SGPP2: variants seen among roughly 807,000 people sequenced by gnomAD.
SGPP2 encodes the protein sphingosine 1-phosphate phosphohydrolase 2.
A neutral mutation model predicts 33.9 loss-of-function variants in SGPP2; 30 were observed. That is an observed-to-expected ratio of 0.89 (90% confidence interval 0.66 to 1.20). The LOEUF (loss-of-function observed/expected upper bound fraction) is 1.20, where lower values mean the gene tolerates loss of function less well. Among genes scored for constraint, SGPP2 ranks in the 50% most tolerant of loss-of-function variants. SGPP2 has a pLI of 0.00. For missense variants in SGPP2, 458 were observed against 532.1 expected, an observed-to-expected ratio of 0.86 and a Z score of 1.37; for synonymous variants, 233 against 225.0, an observed-to-expected ratio of 1.04 and a Z score of -0.32.
intron 4 of SGPP2, among the ~76,000 whole-genome samples, chr2:222,540,653 C>G (rs1327346071): frequency 2.0e-5 from 3 of 152,116 alleles, no homozygotes; most frequent in Non-Finnish European, 4.4e-5. Context: ...TGTCATCTGT[C>G]AATAAATCTA....
At chr2:222,430,453 G>A (rs956558191) in intron 1 of SGPP2, among the ~76,000 whole-genome samples, 6 of 152,104 alleles carry the variant, frequency 3.9e-5, no homozygotes, top group Non-Finnish European at 8.8e-5. Flanking sequence ...CCACCTTTTA[G>A]GGAAGGAAGC....
intron 2 of SGPP2, among the ~76,000 whole-genome samples, chr2:222,499,652 GGAAA>G (rs1433198572): frequency 6.6e-6 from 1 of 152,100 alleles, no homozygotes; most frequent in Non-Finnish European, 1.5e-5. Context: ...GGGCATTGGG[GGAAA>G]GACAGTCTTT....
chr2:222,560,254 G>T lies in SGPP2; in HGVS notation c.*1356G>T, dbSNP rs1026317106. 1 of 142,842 alleles carries T rather than the reference G, an allele frequency of 7.0e-6. No individual in the cohort carries two copies. 8.8% of individuals were successfully genotyped at this position (142,842 alleles called of 1,614,324 possible). A position where few individuals can be genotyped will look rare whatever the true frequency, so the allele number is the denominator to read the frequency against. The stretch of plus-strand genomic sequence containing the variant: ...GGGATAGGCTTCCTTGACATTGCCT[G>T]TCCTGACAAGGCCTCCCTGACATTA... On this transcript the variant is annotated 3_prime_UTR_variant, in exon 5 of 5. Transcript: ENST00000321276.
chr2:222,476,981 GGT>G lies in SGPP2; in HGVS notation c.378+2262_378+2263del, dbSNP rs1235052401. On this transcript the variant is annotated intron_variant, in intron 2 of 4. Coordinates refer to ENST00000321276, the MANE Select transcript of SGPP2 (RefSeq NM_152386.4). The surrounding 1 kb of genome is among the most constrained non-coding windows in gnomAD (Gnocchi z 4.3). The stretch of plus-strand genomic sequence containing the variant: ...TATAGTGTGTATATGTGTATATATA[GGT>G]GTGTGTATATTTTGTGTATTTATGT... Among the ~76,000 whole-genome samples, 2 of 151,518 alleles carry G rather than the reference GGT, an allele frequency of 1.3e-5. No homozygotes were observed. Among genetic ancestry groups the G allele is most frequent in the East Asian group, 3.9e-4 (2 of 5,190 alleles).
At chr2:222,447,262 C>A (rs908981423) in intron 1 of SGPP2, among the ~76,000 whole-genome samples, 1 of 152,192 alleles carries the variant, frequency 6.6e-6, no homozygotes, top group African/African-American at 2.4e-5. Context: ...ACCCACCCAC[C>A]TCCCTACTTC....
At chr2:222,491,412 A>G (rs1486638772) in intron 2 of SGPP2, among the ~76,000 whole-genome samples, 3 of 152,184 alleles carry the variant, frequency 2.0e-5, no homozygotes, top group South Asian at 2.1e-4. Flanking sequence ...ACAGCTCTGC[A>G]TGGCTGGGGA....
At chr2:222,431,607 G>A (rs1299980807) in intron 1 of SGPP2, among the ~76,000 whole-genome samples, 2 of 152,172 alleles carry the variant, frequency 1.3e-5, no homozygotes, top group Non-Finnish European at 2.9e-5. Flanking sequence ...ATGGGAGGAT[G>A]AAGCATCTTG....
intron 4 of SGPP2, among the ~76,000 whole-genome samples, chr2:222,530,217 A>G (rs1487330190): frequency 3.3e-5 from 5 of 152,216 alleles, no homozygotes; most frequent in African/African-American, 1.2e-4. Flanking sequence ...TAGAATTTTC[A>G]GAATGGTAAA....
chr2:222,502,906 A>G (rs540047552), intron 2 of SGPP2, among the ~76,000 whole-genome samples: 6 of 152,336 alleles, frequency 3.9e-5, no homozygotes, highest in Admixed American at 6.5e-5. Flanking sequence ...CACTGCCTCA[A>G]TTAGAGAGTT....
intron 4 of SGPP2, among the ~76,000 whole-genome samples, chr2:222,537,086 T>C (rs953270615): frequency 8.5e-5 from 13 of 152,168 alleles, no homozygotes; most frequent in Admixed American, 7.9e-4. Context: ...CAGAAACAAA[T>C]CCAATGTGTC....
chr2:222,445,193 T>C (rs1447584748), intron 1 of SGPP2, among the ~76,000 whole-genome samples: 1 of 152,202 alleles, frequency 6.6e-6, no homozygotes. Context: ...GTGGACCTCC[T>C]TGAACCTCAG....
At chr2:222,520,329 T>C (rs1698664235) in intron 2 of SGPP2, among the ~76,000 whole-genome samples, 1 of 152,168 alleles carries the variant, frequency 6.6e-6, no homozygotes, top group Non-Finnish European at 1.5e-5. Flanking sequence ...ATGTCTTCTT[T>C]TGAGAACATG....
rs1697953707 is a variant in SGPP2 at position 222,477,186 on chromosome 2, T to C, written c.378+2460T>C. Among the ~76,000 whole-genome samples, 1 of 151,792 alleles carries C rather than the reference T, an allele frequency of 6.6e-6. No homozygotes were observed. Among genetic ancestry groups the C allele is most frequent in the Admixed American group, 6.6e-5 (1 of 15,230 alleles). ...GTATAGGTGTGTGTATATGTGTATG[T>C]GTGTATATATGTGTGTGCATAGGTG... On this transcript the variant is annotated intron_variant, in intron 2 of 4. Coordinates refer to ENST00000321276, the MANE Select transcript of SGPP2 (RefSeq NM_152386.4). The surrounding 1 kb of genome is among the most constrained non-coding windows in gnomAD (Gnocchi z 6.0).
intron 2 of SGPP2, among the ~76,000 whole-genome samples, chr2:222,500,891 G>A (rs187129069): frequency 2.0e-5 from 3 of 152,270 alleles, no homozygotes; most frequent in Admixed American, 1.3e-4. Context: ...TTCCCCCTAC[G>A]TGTGTGCAGT....
In SGPP2 at chr2:222,520,531, G is replaced by A. The variant is rs148741214; in HGVS notation, c.379-1236G>A. Among the ~76,000 whole-genome samples, 3 of 152,224 alleles carry A rather than the reference G, an allele frequency of 2.0e-5. No individual in the cohort carries two copies. In the East Asian group the frequency reaches 5.8e-4, roughly 29 times the overall value. The stretch of plus-strand genomic sequence containing the variant: ...AGATCTTCTGAGGTCAGGAGTTCAA[G>A]ACCAGCTTGACCAACATGGTGAAAC... On this transcript the variant is annotated intron_variant, in intron 2 of 4. Transcript: ENST00000321276.
At chr2:222,554,612 A>G (rs1481707667) in intron 4 of SGPP2, among the ~76,000 whole-genome samples, 2 of 152,306 alleles carry the variant, frequency 1.3e-5, no homozygotes, top group Admixed American at 6.5e-5. Context: ...AATGAAAAAG[A>G]GTCCCAGTTC....
chr2:222,441,732 A>G (rs1398882455), intron 1 of SGPP2, among the ~76,000 whole-genome samples: 2 of 152,182 alleles, frequency 1.3e-5, no homozygotes, highest in African/African-American at 4.8e-5. Flanking sequence ...TTAATTTTAT[A>G]AAAAGATTCT....
At chr2:222,536,690 A>T (rs1177448548) in intron 4 of SGPP2, among the ~76,000 whole-genome samples, 6 of 152,156 alleles carry the variant, frequency 3.9e-5, no homozygotes, top group Admixed American at 1.3e-4. Flanking sequence ...CAAAAAAAAT[A>T]AAAAAATAAA....
At chr2:222,484,646 C>A (rs1698077708) in intron 2 of SGPP2, among the ~76,000 whole-genome samples, 1 of 152,064 alleles carries the variant, frequency 6.6e-6, no homozygotes, top group African/African-American at 2.4e-5. Context: ...TACATGTAGA[C>A]CCCAAACCAA....
Sources: allele counts gnomAD v4.1 joint callset (sites outside exome capture counted in the v4.1 genomes callset), GRCh38; gene constraint gnomAD v4.1.1; non-coding constraint Gnocchi (gnomAD v3.1); transcripts MANE v1.5; gene names NCBI Gene and HGNC (gene_info 2026-07-23, HGNC 2026-07-21).